CACNA1A: variants seen among roughly 807,000 people sequenced by gnomAD.
CACNA1A encodes calcium voltage-gated channel subunit alpha1 A, also known as voltage-dependent P/Q-type calcium channel subunit alpha-1A.
Under a neutral mutation model 262.4 loss-of-function variants are expected in CACNA1A, and 57 were observed. The ratio of observed to expected loss-of-function variants is 0.22; its 90% CI spans 0.18 to 0.27. CACNA1A has a LOEUF of 0.27. Ranked by LOEUF, CACNA1A falls within the 10% of genes least tolerant of loss-of-function variation. The pLI is 1.00. For synonymous variants in CACNA1A, 1,431 were observed against 1,419.3 expected (o/e 1.01, Z -0.18); for missense variants, 2,526 against 3,562.8 (o/e 0.71, Z 7.41).
chr19:13,216,644 AATTTATCTATCTATCTATCTATCTATCT>A (rs1307856581), intron 38 of CACNA1A, among the ~76,000 whole-genome samples: 1 of 140,750 alleles, frequency 7.1e-6, no homozygotes, highest in Non-Finnish European at 1.5e-5. Flanking sequence ...TTTTTTTAAA[AATTTATCTATCTATCTATCTATCTATCT>A]ATCTATCTAT....
intron 1 of CACNA1A, among the ~76,000 whole-genome samples, chr19:13,474,213 C>T (rs1435945885): frequency 6.6e-6 from 1 of 152,230 alleles, no homozygotes. Flanking sequence ...CTGCTCGGGT[C>T]TTCACTGACC....
intron 30 of CACNA1A, among the ~76,000 whole-genome samples, chr19:13,246,843 A>G (rs1194420627): frequency 1.3e-5 from 2 of 151,690 alleles, no homozygotes; most frequent in African/African-American, 4.8e-5. Flanking sequence ...AGCCAGGATG[A>G]TCTTGATCTC....
At chr19:13,219,122 A>G (rs1217895794) in intron 38 of CACNA1A, among the ~76,000 whole-genome samples, 1 of 145,946 alleles carries the variant, frequency 6.9e-6, no homozygotes, top group Non-Finnish European at 1.5e-5. Flanking sequence ...GCTCACTGCA[A>G]CCTCTGCCTC....
intron 3 of CACNA1A, among the ~76,000 whole-genome samples, chr19:13,385,922 T>G (rs1057427762): frequency 6.6e-6 from 1 of 151,756 alleles, no homozygotes; most frequent in African/African-American, 2.4e-5. Context: ...TTTGGGAGGC[T>G]GAGGCAGGAG....
Position 13,335,973 on chromosome 19 carries a change from T to C in CACNA1A, c.979-64A>G, listed in dbSNP as rs2058558766. On this transcript the variant is annotated intron_variant, in intron 6 of 46. Coordinates refer to ENST00000360228, the MANE Select transcript of CACNA1A (RefSeq NM_001127222.2). ...TGGGACTCAGATAGAACCTGACAGG[T>C]GAGGGAAGGGGAAGCTCGGTTCTCT... 8.4e-6 allele frequency: 8 copies of C among 953,712 alleles called. No homozygotes were observed. In the East Asian group the frequency reaches 1.3e-4, roughly 16 times the overall value. The allele number at this position is 953,712 out of a possible 1,614,324, so 59.1% of individuals were successfully genotyped here.
intron 6 of CACNA1A, among the ~76,000 whole-genome samples, chr19:13,347,061 T>TTTG (rs2058802532): frequency 2.9e-5 from 2 of 69,218 alleles, no homozygotes; most frequent in African/African-American, 9.1e-5. Flanking sequence ...TTTTTTTTGT[T>TTTG]TTTTTGTTTT....
At chr19:13,351,894 C>T (rs113029572) in intron 6 of CACNA1A, among the ~76,000 whole-genome samples, 11,557 of 152,268 alleles carry the variant, frequency 0.076, 592 homozygotes, top group South Asian at 0.14. Flanking sequence ...ATCCTCCCAC[C>T]TCAGCTTCCT....
chr19:13,223,603 G>A (rs755749985), intron 38 of CACNA1A, among the ~76,000 whole-genome samples: 10 of 152,206 alleles, frequency 6.6e-5, no homozygotes, highest in Non-Finnish European at 1.2e-4. Context: ...CTGTTCAAAT[G>A]TGAGTTGGGT....
chr19:13,393,978 C>T (rs2059766978), intron 3 of CACNA1A, among the ~76,000 whole-genome samples: 1 of 152,082 alleles, frequency 6.6e-6, no homozygotes, highest in African/African-American at 2.4e-5. Context: ...GCGCTGGTTA[C>T]ATGACTGGGC....
intron 40 of CACNA1A, chr19:13,213,671 A>ATTT (rs1568425094): frequency 6.9e-5 from 5 of 72,170 alleles, no homozygotes; most frequent in Non-Finnish European, 1.0e-4. Context: ...CTTGGCAAGA[A>ATTT]CTTTTTTTTT....
At chr19:13,378,829 G>T (rs1040278045) in intron 3 of CACNA1A, among the ~76,000 whole-genome samples, 4 of 151,480 alleles carry the variant, frequency 2.6e-5, no homozygotes, top group Non-Finnish European at 5.9e-5. Context: ...CACCACACCC[G>T]GCTATTTTTT....
At chr19:13,488,801 G>A (rs1980375406) in intron 1 of CACNA1A, among the ~76,000 whole-genome samples, 1 of 151,866 alleles carries the variant, frequency 6.6e-6, no homozygotes, top group Admixed American at 6.6e-5. Flanking sequence ...TGGGGTAGGG[G>A]ATGAGATTCT....
At position 13,207,221 on chromosome 19, in the gene CACNA1A, G is replaced by T. The variant is rs899054269; in HGVS notation, c.*92C>A. ...CGGCTGGCCCTCTCCCGGGCCCTCT[G>T]TGCTGGGCCCCCGCGGCCTCTGCGC... On this transcript the variant is annotated 3_prime_UTR_variant, in exon 47 of 47. Transcript: ENST00000360228. The surrounding 1 kb of genome is among the most constrained non-coding windows in gnomAD (Gnocchi z 5.7). 2 of 1,337,592 alleles carry T rather than the reference G, an allele frequency of 1.5e-6. No homozygotes were observed. Among genetic ancestry groups the T allele is most frequent in the African/African-American group, 1.6e-5 (1 of 63,754 alleles). 82.9% of individuals were successfully genotyped at this position (1,337,592 alleles called of 1,614,324 possible).
rs769711107 is a variant in CACNA1A, at chr19:13,299,073, C to G, written c.2560G>C (p.Ala854Pro). Residue 854 changes from alanine (A) to proline (P), a missense_variant, in exon 19 of 47, where the codon GCC becomes CCC. Ala to Pro is a conservative substitution (Grantham distance 27, BLOSUM62 -1). Around this residue, in one of 17 missense-constraint regions of CACNA1A, gnomAD observed 765 missense variants for 748.6 expected, o/e 1.02. Transcript: ENST00000360228. ...GCCTGTTTCCTGAGGAAGTCCTCGG[C>G]GCGCTGCTGGCCGAGGCGCTGGTCC... ...TVDQRLGQQR[A>P]EDFLRKQARY... 4 of 1,608,766 alleles carry G rather than the reference C, an allele frequency of 2.5e-6. No individual in the cohort carries two copies. Among genetic ancestry groups the G allele is most frequent in the Middle Eastern group, 1.7e-4 (1 of 6,056 alleles).
At chr19:13,437,489 A>C (rs978479343) in intron 3 of CACNA1A, among the ~76,000 whole-genome samples, 1 of 152,040 alleles carries the variant, frequency 6.6e-6, no homozygotes, top group African/African-American at 2.4e-5. Flanking sequence ...TCAGGAGTTC[A>C]AGACCAGCCT....
intron 5 of CACNA1A, chr19:13,362,743 T>A (rs1445538883): frequency 6.6e-6 from 1 of 151,990 alleles, no homozygotes; most frequent in Non-Finnish European, 1.5e-5. Flanking sequence ...AAATGAGGGG[T>A]CTTGTTTCCT....
Position 13,354,985 on chromosome 19 carries a change from C to T in CACNA1A, c.978+4621G>A, listed in dbSNP as rs527636215. On this transcript the variant is annotated intron_variant, in intron 6 of 46. Coordinates refer to ENST00000360228, the MANE Select transcript of CACNA1A (RefSeq NM_001127222.2). ...CATCTCCCGGGTTCAAGTGATTCTC[C>T]TGCCTCAGCCTCCCAAGTGGCTGGG... 3.8e-4 allele frequency among the ~76,000 whole-genome samples: 58 copies of T among 151,042 alleles called. No individual in the cohort carries two copies. The East Asian group carries it at 0.011, about 30-fold the overall frequency.
intron 31 of CACNA1A, among the ~76,000 whole-genome samples, chr19:13,242,979 T>C (rs1254576025): frequency 2.0e-5 from 3 of 152,000 alleles, no homozygotes; most frequent in Non-Finnish European, 4.4e-5. Flanking sequence ...GCTGTTGGAG[T>C]CTGTCCCTAC....
intron 30 of CACNA1A, among the ~76,000 whole-genome samples, chr19:13,250,650 T>C (rs572962811): frequency 6.6e-6 from 1 of 151,926 alleles, no homozygotes; most frequent in Non-Finnish European, 1.5e-5. Context: ...CCCACCTCTG[T>C]CTCCCAAAGT....
Sources: allele counts gnomAD v4.1 joint callset (sites outside exome capture counted in the v4.1 genomes callset), GRCh38; gene constraint gnomAD v4.1.1; regional missense constraint gnomAD v4.1.1; non-coding constraint Gnocchi (gnomAD v3.1); transcripts MANE v1.5; gene names NCBI Gene and HGNC (gene_info 2026-07-23, HGNC 2026-07-21).